The following IRAK1BP1 variants were observed in gnomAD, a reference collection of about 807,000 sequenced individuals.
IRAK1BP1 encodes interleukin-1 receptor-associated kinase 1-binding protein 1.
A neutral mutation model predicts 28.0 loss-of-function variants in IRAK1BP1; 24 were observed. The observed-to-expected ratio is 0.86, with a 90% CI of 0.62 to 1.20. The LOEUF (loss-of-function observed/expected upper bound fraction) is 1.20, where lower values mean the gene tolerates loss of function less well. Among genes scored for constraint, IRAK1BP1 ranks in the 50% most tolerant of loss-of-function variants. IRAK1BP1 has a pLI of 0.00. For synonymous variants in IRAK1BP1, 131 were observed against 116.3 expected, an observed-to-expected ratio of 1.13 and a Z score of -0.81; for missense variants, 336 against 316.7, an observed-to-expected ratio of 1.06 and a Z score of -0.46.
the IRAK1BP1 span, among the ~76,000 whole-genome samples, chr6:78,959,057 C>G: frequency 2.0e-5 from 3 of 152,104 alleles, no homozygotes; most frequent in African/African-American, 7.2e-5. Flanking sequence ...AGTTAACTGA[C>G]AGCCACCTTA....
chr6:78,913,318 G>C (rs1237186691), intron 4 of IRAK1BP1, among the ~76,000 whole-genome samples: 1 of 149,176 alleles, frequency 6.7e-6, no homozygotes, highest in African/African-American at 2.5e-5. Context: ...CTGGGCAACA[G>C]AGCAAGACTC....
chr6:78,942,349 G>A (rs999641807), intron 4 of IRAK1BP1, among the ~76,000 whole-genome samples: 6 of 152,162 alleles, frequency 3.9e-5, no homozygotes, highest in Non-Finnish European at 7.3e-5. Context: ...TGGGCGTGGT[G>A]GTGGGTGCCT....
At position 78,921,362 on chromosome 6, in the gene IRAK1BP1, C is replaced by T. The variant is rs149328285; in HGVS notation, c.*67+18252C>T. ...AGTCTGAGATCAAACAGCAAGGCCGCGGCAAGGCTGGGGGAGGGGCGCCCA... is the reference window on the plus strand; with the variant it reads ...AGTCTGAGATCAAACAGCAAGGCCGTGGCAAGGCTGGGGGAGGGGCGCCCA... On this transcript the variant is annotated intron_variant and NMD_transcript_variant, in intron 4 of 4. Transcript: ENST00000606868. 2.5e-3 allele frequency among the ~76,000 whole-genome samples: 378 copies of T among 152,334 alleles called. 2 individuals carry two copies. Among genetic ancestry groups the T allele is most frequent in the South Asian group, 0.018 (86 of 4,830 alleles).
chr6:78,976,182 G>T, the IRAK1BP1 span, among the ~76,000 whole-genome samples: 1 of 149,562 alleles, frequency 6.7e-6, no homozygotes, highest in East Asian at 2.0e-4. Context: ...CAGAGATATA[G>T]ATCAATGGAA....
At position 78,900,395 on chromosome 6, in the gene IRAK1BP1, C is replaced by A. The variant is rs1377901903; in HGVS notation, c.*2061C>A. 6.6e-6 allele frequency: 1 copy of A among 152,202 alleles called. No homozygotes were observed. The highest frequency in any genetic ancestry group is 1.5e-5 in the Non-Finnish European group (1 of 68,032). 9.4% of individuals were successfully genotyped at this position (152,202 alleles called of 1,614,324 possible). A position where few individuals can be genotyped will look rare whatever the true frequency, so the allele number is the denominator to read the frequency against. ...TTTATATACCAACAGTACTTTCTTA[C>A]AACATATTCCAGTATATAGTGTCCA... On this transcript the variant is annotated 3_prime_UTR_variant, in exon 4 of 4. Transcript: ENST00000369940.
chr6:78,902,883 C>G lies in IRAK1BP1; in HGVS notation c.*4549C>G. ...TGGGTAATTCAAATCAGACACTGCT[C>G]TTCAAGAGAGGTAATATTAATAGAA... On this transcript the variant is annotated 3_prime_UTR_variant, in exon 4 of 4. Transcript: ENST00000369940. 1 of 647,774 alleles carries G rather than the reference C, an allele frequency of 1.5e-6. No homozygotes were observed. The highest frequency in any genetic ancestry group is 2.8e-5 in the Admixed American group (1 of 36,058). 40.1% of individuals were successfully genotyped at this position (647,774 alleles called of 1,614,324 possible). A position where few individuals can be genotyped will look rare whatever the true frequency, so the allele number is the denominator to read the frequency against.
intron 2 of IRAK1BP1, 54 bp from the exon 3 acceptor site, chr6:78,897,775 A>G (rs1296779854): frequency 3.3e-6 from 5 of 1,518,930 alleles, no homozygotes; most frequent in Non-Finnish European, 4.5e-6. Context: ...TGTAGAGAAA[A>G]TCTTGAAACA....
intron 2 of IRAK1BP1, among the ~76,000 whole-genome samples, chr6:78,885,763 TCATAA>T (rs1223664202): frequency 5.3e-5 from 8 of 152,132 alleles, no homozygotes; most frequent in South Asian, 2.1e-4. Flanking sequence ...GCAAATAAAG[TCATAA>T]CATAAAGGAT....
the IRAK1BP1 span, chr6:78,970,281 G>T: frequency 2.0e-5 from 17 of 853,324 alleles, no homozygotes; most frequent in Non-Finnish European, 2.9e-5. Context: ...TGATCTGGAT[G>T]GTGATGACTG....
the IRAK1BP1 span, among the ~76,000 whole-genome samples, chr6:78,959,493 G>A: frequency 1.3e-5 from 2 of 152,152 alleles, no homozygotes; most frequent in East Asian, 3.9e-4. Context: ...GACAGTAATA[G>A]TTTAACAAGA....
chr6:78,918,367 A>G (rs1481548463), intron 4 of IRAK1BP1, among the ~76,000 whole-genome samples: 1 of 152,102 alleles, frequency 6.6e-6, no homozygotes, highest in Admixed American at 6.5e-5. Context: ...CTGAATGCAA[A>G]TGGTCTAAAT....
chr6:78,974,566 C>CA, the IRAK1BP1 span, among the ~76,000 whole-genome samples: 1 of 151,786 alleles, frequency 6.6e-6, no homozygotes, highest in African/African-American at 2.4e-5. Flanking sequence ...AAAAACCCTT[C>CA]AAAAAATTAA....
intron 2 of IRAK1BP1, among the ~76,000 whole-genome samples, chr6:78,894,205 A>T (rs903236011): frequency 6.6e-6 from 1 of 152,200 alleles, no homozygotes; most frequent in Non-Finnish European, 1.5e-5. Flanking sequence ...GAAAATGAGT[A>T]AAGGGGAAAT....
At chr6:78,945,353 G>A (rs1329890435) in intron 4 of IRAK1BP1, 1 of 1,613,630 alleles carries the variant, frequency 6.2e-7, no homozygotes, top group African/African-American at 1.3e-5. Flanking sequence ...TGGGAGTACA[G>A]ATGACTTCAT....
At chr6:78,945,003 A>G (rs1020298689) in intron 4 of IRAK1BP1, among the ~76,000 whole-genome samples, 1 of 152,212 alleles carries the variant, frequency 6.6e-6, no homozygotes. Flanking sequence ...ATAATTACTT[A>G]AACATTTTTC....
At chr6:78,963,171 C>A in the IRAK1BP1 span, 1 of 1,611,634 alleles carries the variant, frequency 6.2e-7, no homozygotes, top group South Asian at 1.1e-5. Context: ...ACCCCATTCT[C>A]CATCAAGAGG....
chr6:78,888,560 C>G (rs1771511950), intron 2 of IRAK1BP1, among the ~76,000 whole-genome samples: 1 of 151,644 alleles, frequency 6.6e-6, no homozygotes, highest in South Asian at 2.1e-4. Flanking sequence ...CTCTGTCACC[C>G]AGGCTGAAGT....
chr6:78,869,845 A>C (rs577710223), intron 1 of IRAK1BP1, among the ~76,000 whole-genome samples: 1 of 151,882 alleles, frequency 6.6e-6, no homozygotes, highest in South Asian at 2.1e-4. Context: ...GTGGTGGCTC[A>C]CGCCTGTAAT....
At chr6:78,945,164 G>A (rs1773733349) in intron 4 of IRAK1BP1, 2 of 651,256 alleles carry the variant, frequency 3.1e-6, no homozygotes, top group Non-Finnish European at 5.5e-6. Context: ...GCTCATTGCA[G>A]TAAATTTATC....
Sources: gnomAD v4.1 joint callset for allele counts (sites outside exome capture counted in the v4.1 genomes callset) on GRCh38, gnomAD v4.1.1 for gene constraint, MANE v1.5 for transcripts, NCBI Gene and HGNC (gene_info 2026-07-23, HGNC 2026-07-21) for gene names.